The following CILP variants were observed in gnomAD, a reference collection of about 807,000 sequenced individuals.
CILP encodes the protein cartilage intermediate layer protein 1.
A neutral mutation model predicts 82.5 loss-of-function variants in CILP; 75 were observed. The ratio of observed to expected loss-of-function variants is 0.91; its 90% CI spans 0.75 to 1.10. The LOEUF is 1.10. Ranked by LOEUF, CILP falls within the 50% of genes least tolerant of loss-of-function variation. CILP has a pLI of 0.00. For missense variants in CILP, 1,479 were observed against 1,530.8 expected (o/e 0.97, Z 0.56); for synonymous variants, 530 against 580.3 (o/e 0.91, Z 1.25).
rs778909915 is a variant in CILP at position 65,205,285 on chromosome 15, A to G, written c.604+2T>C. 2 of 1,603,170 alleles carry G rather than the reference A, an allele frequency of 1.2e-6. No homozygotes were observed. Among genetic ancestry groups the G allele is most frequent in the African/African-American group, 1.3e-5 (1 of 74,718 alleles). On this transcript the variant is annotated splice_donor_variant, in intron 5 of 8. Coordinates refer to ENST00000261883, the MANE Select transcript of CILP (RefSeq NM_003613.4). LOFTEE classifies it high-confidence loss of function. The stretch of plus-strand genomic sequence containing the variant: ...GCCCAGTGCCAGGAGGGAGGGTGGT[A>G]CCTGTACAGTCCTGGCCCATGCAGT...
chr15:65,197,289 G>A lies in CILP; in HGVS notation c.2997C>T (p.Pro999=), dbSNP rs1455145541. 5.6e-6 allele frequency: 9 copies of A among 1,614,024 alleles called. No individual in the cohort carries two copies. Among genetic ancestry groups the A allele is most frequent in the Non-Finnish European group, 7.6e-6 (9 of 1,179,992 alleles). ...ACTCCAGACAGGCAGCTGAGACATTGGGCTGGTCCCTGTCCCGAGTGCTCC... is the reference window on the plus strand; with the variant it reads ...ACTCCAGACAGGCAGCTGAGACATTAGGCTGGTCCCTGTCCCGAGTGCTCC... The part of the protein sequence containing the change: ...DVRSTRDRDQ[P]NVSAACLEFK... Residue 999 remains proline, a synonymous_variant, in exon 9 of 9, where the codon CCC becomes CCT. Transcript: ENST00000261883.
intron 8 of CILP, 100 bp downstream of exon 8, chr15:65,201,772 A>C: frequency 1.4e-6 from 1 of 705,544 alleles, no homozygotes; most frequent in East Asian, 3.1e-5. Flanking sequence ...AAGAAAAGAA[A>C]AAAGAAAAGC....
chr15:65,208,229 T>C (rs2088540186), intron 2 of CILP, among the ~76,000 whole-genome samples: 3 of 152,176 alleles, frequency 2.0e-5, no homozygotes, highest in South Asian at 4.1e-4. Context: ...GGTGATTCAG[T>C]TGGCATGAGG....
rs201786565 is a variant in CILP at position 65,197,525 on chromosome 15, G to A, written c.2761C>T (p.Arg921Ter). ...AAGGGGACTGTGTTGTAGTCATATC[G>A]ATCCCCCTCAATCTGGTAGAACCGG... ...HFRFYQIEGD[R>*]YDYNTVPFNE... Residue 921 changes from arginine to a stop codon, truncating the protein, a stop_gained, in exon 9 of 9, where the codon CGA (arginine) becomes TGA (stop). Transcript: ENST00000261883. LOFTEE classifies it high-confidence loss of function. 27 of 1,614,058 alleles carry A rather than the reference G, an allele frequency of 1.7e-5. No individual in the cohort carries two copies. The highest frequency in any genetic ancestry group is 2.0e-5 in the Non-Finnish European group (24 of 1,180,046).
At position 65,206,977 on chromosome 15, in the gene CILP, T is replaced by C; in HGVS notation, c.229A>G (p.Ile77Val). 1 of 1,614,014 alleles carries C rather than the reference T, an allele frequency of 6.2e-7. No homozygotes were observed. Among genetic ancestry groups the C allele is most frequent in the Non-Finnish European group, 8.5e-7 (1 of 1,179,994 alleles). Reference sequence around the variant, plus strand: ...ACACGGTCCCCATAGTAGAAGCGAATGGCGTCCAGCCGCTCATAGTCGCCC... The same window carrying C: ...ACACGGTCCCCATAGTAGAAGCGAACGGCGTCCAGCCGCTCATAGTCGCCC... ...GKGDYERLDA[I>V]RFYYGDRVCA... Residue 77 changes from isoleucine to valine, a missense_variant, in exon 4 of 9, where the codon ATT (isoleucine) becomes GTT (valine). Coordinates refer to ENST00000261883, the MANE Select transcript of CILP (RefSeq NM_003613.4).
At chr15:65,205,732 C>T (rs1371589057) in intron 4 of CILP, among the ~76,000 whole-genome samples, 1 of 152,206 alleles carries the variant, frequency 6.6e-6, no homozygotes, top group Non-Finnish European at 1.5e-5. Context: ...CTTTGATATG[C>T]TGTCCTAGGA....
chr15:65,196,837 A>C lies in CILP; in HGVS notation c.3449T>G (p.Val1150Gly). The change falls in exon 9 of 9, where the codon GTG becomes GGG. Residue 1150 changes from valine to glycine, a missense_variant. Coordinates refer to ENST00000261883, the MANE Select transcript of CILP (RefSeq NM_003613.4). ...SPAAGTVQGRVPSRRQQRASR... is the reference protein window; with the variant it reads ...SPAAGTVQGRGPSRRQQRASR... ...CGCTCGCTGCTGCCTCCTCGAGGGC[A>C]CTCTTCCTTGGACAGTGCCTGCAGC... The C allele has an allele frequency of 6.2e-7, 1 of 1,612,844 alleles. No individual in the cohort carries two copies. Among genetic ancestry groups the C allele is most frequent in the Non-Finnish European group, 8.5e-7 (1 of 1,179,232 alleles).
Position 65,206,962 on chromosome 15 carries a change from C to G in CILP, c.244G>C (p.Gly82Arg). The G allele has an allele frequency of 1.2e-6, 2 of 1,614,030 alleles. No homozygotes were observed. Among genetic ancestry groups the G allele is most frequent in the Admixed American group, 3.3e-5 (2 of 60,012 alleles). The change falls in exon 4 of 9, where the codon GGG (glycine) becomes CGG (arginine). Residue 82 changes from glycine (G) to arginine (R), a missense_variant. By Grantham distance (125) the Gly-to-Arg change is moderately radical (BLOSUM62 -2). Coordinates refer to ENST00000261883, the MANE Select transcript of CILP (RefSeq NM_003613.4). ...AGGGGACGGGCACATACACGGTCCC[C>G]ATAGTAGAAGCGAATGGCGTCCAGC... Reference protein sequence around the residue: ...ERLDAIRFYYGDRVCARPLRL... With the variant: ...ERLDAIRFYYRDRVCARPLRL...
Position 65,204,488 on chromosome 15 carries a change from G to T in CILP, c.699C>A (p.Pro233=), listed in dbSNP as rs140717594. 6.2e-7 allele frequency: 1 copy of T among 1,613,892 alleles called. No individual in the cohort carries two copies. The highest frequency in any genetic ancestry group is 8.5e-7 in the Non-Finnish European group (1 of 1,179,986). Residue 233 remains proline, a synonymous_variant, in exon 6 of 9, where the codon CCC becomes CCA. Coordinates refer to ENST00000261883, the MANE Select transcript of CILP (RefSeq NM_003613.4). ...DFMLHGAVSL[P]GGAPASGAAI... ...CAGCCCCTGAGGCTGGGGCACCTCC[G>T]GGAAGGGAGACAGCCCCATGAAGCA... is the stretch of plus-strand genomic sequence containing the variant.
intron 2 of CILP, among the ~76,000 whole-genome samples, chr15:65,208,657 C>A (rs991486919): frequency 2.0e-5 from 3 of 152,180 alleles, no homozygotes; most frequent in African/African-American, 7.2e-5. Context: ...GGGCCACAAG[C>A]AGTTCCAGCT....
In CILP at chr15:65,195,108, T is replaced by C. The variant is rs2088346627; in HGVS notation, c.*1623A>G. On this transcript the variant is annotated 3_prime_UTR_variant, in exon 9 of 9. Coordinates refer to ENST00000261883, the MANE Select transcript of CILP (RefSeq NM_003613.4). ...GACCACTAGTCCTCACTCCTGCAGA[T>C]GCTTGCTTTTTCTATGGTTATTGTG... 6.6e-6 allele frequency: 1 copy of C among 152,280 alleles called. No homozygotes were observed. Among genetic ancestry groups the C allele is most frequent in the Non-Finnish European group, 1.5e-5 (1 of 68,026 alleles). 9.4% of individuals were successfully genotyped at this position (152,280 alleles called of 1,614,324 possible).
In CILP at chr15:65,198,797, T is replaced by G. The variant is rs780185502; in HGVS notation, c.1489A>C (p.Ser497Arg). The G allele has an allele frequency of 6.2e-7, 1 of 1,614,180 alleles. No homozygotes were observed. The highest frequency in any genetic ancestry group is 2.2e-5 in the East Asian group (1 of 44,884). Residue 497 changes from serine (S) to arginine (R), a missense_variant, in exon 9 of 9, where the codon AGT (serine) becomes CGT (arginine). By Grantham distance (110) the Ser-to-Arg change is moderately radical. Transcript: ENST00000261883. ...ATGGGCTCCCCATTGTCAGCAGCAC[T>G]GACACGGCCCCGCACGATGCTCCGA... Reference protein sequence around the residue: ...ETRSIVRGRVSAADNGEPMRF... With the variant: ...ETRSIVRGRVRAADNGEPMRF...
chr15:65,209,636 G>C, intron 2 of CILP, 59 bp downstream of exon 2: 1 of 1,556,428 alleles, frequency 6.4e-7, no homozygotes, highest in Non-Finnish European at 8.9e-7. Flanking sequence ...TCCCAGACCA[G>C]ACACAACCTC....
chr15:65,203,551 G>A, intron 6 of CILP, 81 bp from the exon 7 acceptor site: 1 of 959,678 alleles, frequency 1.0e-6, no homozygotes. Context: ...CTCCCTCAGG[G>A]TCTTTGATGT....
chr15:65,200,999 T>A (rs1292823363), intron 8 of CILP, among the ~76,000 whole-genome samples: 1 of 110,080 alleles, frequency 9.1e-6, no homozygotes, highest in Non-Finnish European at 1.9e-5. Flanking sequence ...ATTTTTCTTT[T>A]CTTCTTCTTC....
At chr15:65,210,718 A>G (rs558171601) in intron 1 of CILP, among the ~76,000 whole-genome samples, 5 of 152,302 alleles carry the variant, frequency 3.3e-5, no homozygotes, top group African/African-American at 1.2e-4. Flanking sequence ...TAGGAAAGGG[A>G]AGAGTCCTCC....
At position 65,204,488 on chromosome 15, in the gene CILP, G is replaced by C; in HGVS notation, c.699C>G (p.Pro233=). The C allele has an allele frequency of 6.2e-7, 1 of 1,614,010 alleles. No homozygotes were observed. The change falls in exon 6 of 9, where the codon CCC becomes CCG. Residue 233 remains proline, a synonymous_variant. Transcript: ENST00000261883. ...CAGCCCCTGAGGCTGGGGCACCTCC[G>C]GGAAGGGAGACAGCCCCATGAAGCA... ...DFMLHGAVSL[P]GGAPASGAAI...
intron 5 of CILP, among the ~76,000 whole-genome samples, chr15:65,205,003 A>G (rs1272281294): frequency 3.3e-5 from 5 of 152,076 alleles, no homozygotes; most frequent in African/African-American, 1.2e-4. Flanking sequence ...TGGGCAATGG[A>G]GCAAGACTCT....
chr15:65,197,278 G>C lies in CILP; in HGVS notation c.3008C>G (p.Ala1003Gly). ...ACTGCACTTGAACTCCAGACAGGCAGCTGAGACATTGGGCTGGTCCCTGTC... is the reference window on the plus strand; with the variant it reads ...ACTGCACTTGAACTCCAGACAGGCACCTGAGACATTGGGCTGGTCCCTGTC... ...TRDRDQPNVS[A>G]ACLEFKCSGM... Residue 1003 changes from alanine to glycine, a missense_variant, in exon 9 of 9, where the codon GCT (alanine) becomes GGT (glycine). Coordinates refer to ENST00000261883, the MANE Select transcript of CILP (RefSeq NM_003613.4). 6.2e-7 allele frequency: 1 copy of C among 1,614,084 alleles called. No homozygotes were observed.
Sources: gnomAD v4.1 joint callset for allele counts (sites outside exome capture counted in the v4.1 genomes callset) on GRCh38, gnomAD v4.1.1 for gene constraint, MANE v1.5 for transcripts, NCBI Gene and HGNC (gene_info 2026-07-23, HGNC 2026-07-21) for gene names.